The following PRG2 variants were observed in gnomAD, a reference collection of about 807,000 sequenced individuals.
PRG2 encodes bone marrow proteoglycan.
PRG2 carries 23 observed loss-of-function variants against 24.7 expected under a neutral mutation model. The observed-to-expected ratio is 0.93, with a 90% CI of 0.67 to 1.32. The LOEUF is 1.32. Ranked by LOEUF, PRG2 falls within the 40% of genes most tolerant of loss-of-function variation. PRG2 has a pLI of 0.00. For synonymous variants in PRG2, 104 were observed against 99.8 expected (o/e 1.04, Z -0.25); for missense variants, 271 against 280.9 (o/e 0.96, Z 0.25).
rs369798570 is a variant in PRG2 at position 57,388,656 on chromosome 11, T to C, written c.419A>G (p.Asn140Ser). Residue 140 changes from asparagine to serine, a missense_variant, in exon 4 of 6, where the codon AAT (asparagine) becomes AGT (serine). Asn to Ser is a conservative substitution (Grantham distance 46). Transcript: ENST00000311862. ...AGAACACTGGATTCGATAATTAATA[T>C]TGAAGTTGTGGATGGAAACCAGGTT... ...RGNLVSIHNF[N>S]INYRIQCSVS... 6.8e-6 allele frequency: 11 copies of C among 1,613,946 alleles called. No homozygotes were observed. The African/African-American group carries it at 1.1e-4, about 16-fold the overall frequency.
In PRG2 at chr11:57,389,178, A is replaced by G. The variant is rs150882269; in HGVS notation, c.198T>C (p.Asp66=). Residue 66 remains aspartate, a synonymous_variant, in exon 3 of 6, where the codon GAT becomes GAC. Coordinates refer to ENST00000311862, the MANE Select transcript of PRG2 (RefSeq NM_002728.6). The part of the protein sequence containing the change: ...EEEEWGSGSE[D]ASKKDGAVES... ...CAACAGCCCCATCTTTCTTGGAGGC[A>G]TCTTCACTTCCAGAGCCCCACTCCT... 34 of 1,614,180 alleles carry G rather than the reference A, an allele frequency of 2.1e-5. No individual in the cohort carries two copies. In the African/African-American group the frequency reaches 4.1e-4, roughly 20 times the overall value.
At position 57,387,196 on chromosome 11, in the gene PRG2, C is replaced by T; in HGVS notation, c.*279G>A. 1 of 363,464 alleles carries T rather than the reference C, an allele frequency of 2.8e-6. No individual in the cohort carries two copies. Among genetic ancestry groups the T allele is most frequent in the South Asian group, 4.5e-5 (1 of 22,154 alleles). The allele number at this position is 363,464 out of a possible 1,614,324, so 22.5% of individuals were successfully genotyped here. A position where few individuals can be genotyped will look rare whatever the true frequency, so the allele number is the denominator to read the frequency against. ...AGAGAACTAGCTGAGCCCATTCCTC[C>T]ATCTCCAAAAGGCTCCATAGACCCA... On this transcript the variant is annotated 3_prime_UTR_variant, in exon 6 of 6. Coordinates refer to ENST00000311862, the MANE Select transcript of PRG2 (RefSeq NM_002728.6).
intron 2 of PRG2, 113 bp from the exon 3 acceptor site, chr11:57,389,430 G>A: frequency 8.3e-7 from 1 of 1,208,922 alleles, no homozygotes; most frequent in Non-Finnish European, 1.1e-6. Flanking sequence ...CTCTGCCTGG[G>A]AAGGGGAACC....
At chr11:57,389,388 T>C in intron 2 of PRG2, 71 bp from the exon 3 acceptor site, 2 of 1,493,744 alleles carry the variant, frequency 1.3e-6, no homozygotes, top group Non-Finnish European at 9.0e-7. Context: ...CACAGACAGC[T>C]CACACCTTGC....
chr11:57,388,490 C>T (rs1330287899), intron 4 of PRG2, 87 bp downstream of exon 4: 3 of 1,564,762 alleles, frequency 1.9e-6, no homozygotes, highest in African/African-American at 1.4e-5. Flanking sequence ...GGAGATTATA[C>T]AGGAGAAAAA....
rs146228047 is a variant in PRG2 at position 57,387,521 on chromosome 11, C to T, written c.623G>A (p.Arg208His). Residue 208 changes from arginine (R) to histidine (H), a missense_variant, in exon 6 of 6, where the codon CGT (arginine) becomes CAT (histidine). Coordinates refer to ENST00000311862, the MANE Select transcript of PRG2 (RefSeq NM_002728.6). ...VALCTRGGHW[R>H]RAHCLRRLPF... ...AAGTCTTCTGAGGCAGTGGGCTCGACGCCAGTGGCCTCCTGTGAAGGCAGA... is the reference window on the plus strand; with the variant it reads ...AAGTCTTCTGAGGCAGTGGGCTCGATGCCAGTGGCCTCCTGTGAAGGCAGA... The T allele has an allele frequency of 1.9e-5, 30 of 1,613,670 alleles. No homozygotes were observed. The highest frequency in any genetic ancestry group is 2.2e-5 in the East Asian group (1 of 44,870).
At chr11:57,389,552 A>G (rs905204253) in intron 2 of PRG2, among the ~76,000 whole-genome samples, 1 of 152,190 alleles carries the variant, frequency 6.6e-6, no homozygotes, top group Non-Finnish European at 1.5e-5. Flanking sequence ...TCCATCATCC[A>G]CCAGCTGTAT....
Position 57,387,435 on chromosome 11 carries a change from C to A in PRG2, c.*40G>T. The stretch of plus-strand genomic sequence containing the variant: ...GCAAGCAGAGGAGGGGAGGCAGCTG[C>A]CCAGGAGAGGGCAGCTCTGAACTGC... On this transcript the variant is annotated 3_prime_UTR_variant, in exon 6 of 6. Transcript: ENST00000311862. The A allele has an allele frequency of 6.3e-7, 1 of 1,583,940 alleles. No homozygotes were observed. Among genetic ancestry groups the A allele is most frequent in the Middle Eastern group, 1.7e-4 (1 of 5,954 alleles).
At chr11:57,388,957 T>C (rs1857102785) in intron 3 of PRG2, 53 bp downstream of exon 3, 1 of 1,572,740 alleles carries the variant, frequency 6.4e-7, no homozygotes, top group Non-Finnish European at 8.6e-7. Context: ...GCTGGGGGCA[T>C]ATCCCACACC....
chr11:57,389,191 G>A lies in PRG2; in HGVS notation c.185C>T (p.Ser62Phe). The A allele has an allele frequency of 6.2e-7, 1 of 1,614,156 alleles. No individual in the cohort carries two copies. Among genetic ancestry groups the A allele is most frequent in the Non-Finnish European group, 8.5e-7 (1 of 1,180,046 alleles). ...TTTCTTGGAGGCATCTTCACTTCCA[G>A]AGCCCCACTCCTCCTCTTCCTCCAG... is the stretch of plus-strand genomic sequence containing the variant. ...RELEEEEEWG[S>F]GSEDASKKDG... Residue 62 changes from serine (S) to phenylalanine (F), a missense_variant, in exon 3 of 6, where the codon TCT becomes TTT. Transcript: ENST00000311862.
chr11:57,388,956 A>C (rs1225243096), intron 3 of PRG2, 54 bp downstream of exon 3: 23 of 1,569,942 alleles, frequency 1.5e-5, no homozygotes, highest in Non-Finnish European at 2.0e-5. Flanking sequence ...TGCTGGGGGC[A>C]TATCCCACAC....
At chr11:57,389,413 T>C in intron 2 of PRG2, 96 bp from the exon 3 acceptor site, 2 of 1,316,920 alleles carry the variant, frequency 1.5e-6, no homozygotes, top group Non-Finnish European at 1.0e-6. Flanking sequence ...GGCATCAGAG[T>C]GCTCAACTCT....
Position 57,387,327 on chromosome 11 carries a change from G to T in PRG2, c.*148C>A. The T allele has an allele frequency of 1.5e-6, 1 of 688,320 alleles. No homozygotes were observed. Among genetic ancestry groups the T allele is most frequent in the Non-Finnish European group, 2.5e-6 (1 of 400,860 alleles). 42.6% of individuals were successfully genotyped at this position (688,320 alleles called of 1,614,324 possible). A position where few individuals can be genotyped will look rare whatever the true frequency, so the allele number is the denominator to read the frequency against. On this transcript the variant is annotated 3_prime_UTR_variant, in exon 6 of 6. Coordinates refer to ENST00000311862, the MANE Select transcript of PRG2 (RefSeq NM_002728.6). The stretch of plus-strand genomic sequence containing the variant: ...AGGAAGAAGTTTCAATGAGGGCTAA[G>T]CAGAGTGGATCCGCGATCAGAGGAG...
At position 57,388,621 on chromosome 11, in the gene PRG2, G is replaced by A; in HGVS notation, c.454C>T (p.Leu152Phe). Reference sequence around the variant, plus strand: ...CCAATCCAGACTTGACCCTGGTTGAGCGCGCTGACAGAACACTGGATTCGA... The same window carrying A: ...CCAATCCAGACTTGACCCTGGTTGAACGCGCTGACAGAACACTGGATTCGA... ...NYRIQCSVSALNQGQVWIGGR... is the reference protein window; with the variant it reads ...NYRIQCSVSAFNQGQVWIGGR... Residue 152 changes from leucine to phenylalanine, a missense_variant, in exon 4 of 6, where the codon CTC becomes TTC. By Grantham distance (22) the Leu-to-Phe change is conservative (BLOSUM62 0). Coordinates refer to ENST00000311862, the MANE Select transcript of PRG2 (RefSeq NM_002728.6). 1 of 1,614,014 alleles carries A rather than the reference G, an allele frequency of 6.2e-7. No homozygotes were observed. Among genetic ancestry groups the A allele is most frequent in the South Asian group, 1.1e-5 (1 of 91,072 alleles).
At chr11:57,387,944 C>T in intron 4 of PRG2, 79 bp from the exon 5 acceptor site, 1 of 1,061,704 alleles carries the variant, frequency 9.4e-7, no homozygotes, top group Non-Finnish European at 1.4e-6. Context: ...TCTGCCAGCT[C>T]TTTCTGCTGC....
chr11:57,389,740 T>C (rs1857121795), intron 2 of PRG2, 147 bp downstream of exon 2: 1 of 711,818 alleles, frequency 1.4e-6, no homozygotes, highest in African/African-American at 1.8e-5. Context: ...TTTCAACTCC[T>C]GGCCATAGAG....
At position 57,387,482 on chromosome 11, in the gene PRG2, G is replaced by T. The variant is rs1010480030; in HGVS notation, c.662C>A (p.Ser221Tyr). 1 of 1,613,916 alleles carries T rather than the reference G, an allele frequency of 6.2e-7. No homozygotes were observed. The highest frequency in any genetic ancestry group is 1.7e-5 in the Admixed American group (1 of 60,002). ...HCLRRLPFIC[S>Y]Y ...CTGCTGGCTGGGACCAGCTCAGTAG[G>T]AACAGATGAAAGGAAGTCTTCTGAG... is the stretch of plus-strand genomic sequence containing the variant. The change falls in exon 6 of 6, where the codon TCC becomes TAC. Residue 221 changes from serine to tyrosine, a missense_variant. By Grantham distance (144) the Ser-to-Tyr change is moderately radical. Transcript: ENST00000311862.
chr11:57,387,802 G>T lies in PRG2; in HGVS notation c.562C>A (p.His188Asn). The T allele has an allele frequency of 6.3e-7, 1 of 1,593,108 alleles. No individual in the cohort carries two copies. The highest frequency in any genetic ancestry group is 2.3e-5 in the East Asian group (1 of 44,214). Residue 188 changes from histidine to asparagine, a missense_variant, in exon 5 of 6, where the codon CAC (histidine) becomes AAC (asparagine). His to Asn is a moderately conservative substitution (Grantham distance 68). Coordinates refer to ENST00000311862, the MANE Select transcript of PRG2 (RefSeq NM_002728.6). ...TGACCACCGCGGGACCAGGGCTGGTGAGCAGCCCAGTATGCAAAGTTCCAG... is the reference window on the plus strand; with the variant it reads ...TGACCACCGCGGGACCAGGGCTGGTTAGCAGCCCAGTATGCAAAGTTCCAG... The part of the protein sequence containing the change: ...SRWNFAYWAA[H>N]QPWSRGGHCV...
rs1444298497 is a variant in PRG2, at chr11:57,390,596, C to T, written c.-13G>A. 1.0e-6 allele frequency: 1 copy of T among 985,444 alleles called. No homozygotes were observed. The highest frequency in any genetic ancestry group is 1.7e-5 in the African/African-American group (1 of 57,232). 61.0% of individuals were successfully genotyped at this position (985,444 alleles called of 1,614,324 possible). On this transcript the variant is annotated splice_region_variant and 5_prime_UTR_variant, in exon 1 of 6. Transcript: ENST00000311862. ...CCACCACAGCAGAGAAAGCACTCAC[C>T]CACCCAGAGACCTTCCTGGGTCTTT...
Sources: allele counts gnomAD v4.1 joint callset (sites outside exome capture counted in the v4.1 genomes callset), GRCh38; gene constraint gnomAD v4.1.1; transcripts MANE v1.5; gene names NCBI Gene and HGNC (gene_info 2026-07-23, HGNC 2026-07-21).